The following ADGRG6 variants were observed in gnomAD, a reference collection of about 807,000 sequenced individuals.
The protein encoded by ADGRG6 is G-protein coupled receptor 126.
ADGRG6 carries 84 observed loss-of-function variants against 142.4 expected under a neutral mutation model. That is an observed-to-expected ratio of 0.59 (90% CI 0.49 to 0.71). The LOEUF is 0.71. Among genes scored for constraint, ADGRG6 ranks in the 30% least tolerant of loss-of-function variants. ADGRG6 has a pLI of 0.00. For synonymous variants in ADGRG6, 521 were observed against 520.5 expected (o/e 1.00, Z -0.01); for missense variants, 1,367 against 1,466.6 (o/e 0.93, Z 1.11).
At chr6:142,316,549 A>G (rs1019734680) in intron 2 of ADGRG6, among the ~76,000 whole-genome samples, 6 of 152,116 alleles carry the variant, frequency 3.9e-5, no homozygotes, top group Non-Finnish European at 7.4e-5. Flanking sequence ...AATATTAATC[A>G]CTGTTTTTAT....
intron 1 of ADGRG6, among the ~76,000 whole-genome samples, chr6:142,305,931 C>T (rs57732124): frequency 0.015 from 2,263 of 151,984 alleles, 60 homozygotes; most frequent in African/African-American, 0.052. Flanking sequence ...TGCTTTGGCT[C>T]AGGAACATGA....
At chr6:142,355,133 T>C (rs897498023) in intron 2 of ADGRG6, among the ~76,000 whole-genome samples, 2 of 152,198 alleles carry the variant, frequency 1.3e-5, no homozygotes, top group Admixed American at 1.3e-4. Context: ...CATTAGATAC[T>C]CTTCTCTGGA....
rs1489975023 is a variant in ADGRG6 at position 142,370,190 on chromosome 6, CA to C, written c.470del (p.Lys157ArgfsTer77). 1 of 1,603,248 alleles carries C rather than the reference CA, an allele frequency of 6.2e-7. No homozygotes were observed. Among genetic ancestry groups the C allele is most frequent in the Non-Finnish European group, 8.5e-7 (1 of 1,171,178 alleles). Reference sequence around the variant, plus strand: ...CCTAGTTGCCGTGTCCTTAAGGAATCAAAAGGTCATTTTACCCCAGACATCA... The same window carrying C: ...CCTAGTTGCCGTGTCCTTAAGGAATCAAAGGTCATTTTACCCCAGACATCA... Reference protein sequence around the residue: ...YIRVAVSLRNQKVILPQTSDA... With the variant: ...YIRVAVSLRNXKVILPQTSDA... On this transcript the variant is annotated frameshift_variant, in exon 4 of 25. Transcript: ENST00000367609. LOFTEE classifies it high-confidence loss of function.
Position 142,411,317 on chromosome 6 carries a change from G to A in ADGRG6, c.2447G>A (p.Gly816Glu). 6.3e-7 allele frequency: 1 copy of A among 1,596,664 alleles called. No individual in the cohort carries two copies. Among genetic ancestry groups the A allele is most frequent in the Admixed American group, 1.7e-5 (1 of 59,922 alleles). ...WDLNKNKSFG[G>E]WNTSGCVAHR... ...ATTCCTTCAACAGAAAGTTTTGGAG[G>A]ATGGAACACGTCAGGATGTGTTGCA... is the stretch of plus-strand genomic sequence containing the variant. Residue 816 changes from glycine (G) to glutamate (E), a missense_variant, in exon 18 of 25, where the codon GGA becomes GAA. Gly to Glu is a moderately conservative substitution (Grantham distance 98). Coordinates refer to ENST00000367609, the MANE Select transcript of ADGRG6 (RefSeq NM_198569.3).
chr6:142,358,038 A>C (rs1188186229), intron 2 of ADGRG6, among the ~76,000 whole-genome samples: 2 of 152,212 alleles, frequency 1.3e-5, no homozygotes, highest in Non-Finnish European at 2.9e-5. Flanking sequence ...TCATGTGCTC[A>C]AGAAGTTAGT....
At chr6:142,394,778 G>A (rs189038163) in intron 9 of ADGRG6, among the ~76,000 whole-genome samples, 126 of 151,908 alleles carry the variant, frequency 8.3e-4, no homozygotes, top group African/African-American at 2.9e-3. Flanking sequence ...GTAGAGACTG[G>A]GTCTTGCTAT....
chr6:142,349,634 C>T (rs1780065818), intron 2 of ADGRG6, among the ~76,000 whole-genome samples: 1 of 152,184 alleles, frequency 6.6e-6, no homozygotes, highest in Admixed American at 6.5e-5. Context: ...TCCACAGCAT[C>T]TACTACACCA....
rs1031791847 is a variant in ADGRG6 at position 142,343,073 on chromosome 6, G to T, written c.104-24496G>T. On this transcript the variant is annotated intron_variant, in intron 2 of 24. Coordinates refer to ENST00000367609, the MANE Select transcript of ADGRG6 (RefSeq NM_198569.3). ...TTATAAAACTACTTATATAGGGTAT[G>T]TAAATATAAGCTTATAAAAATGTAT... is the stretch of plus-strand genomic sequence containing the variant. 5.3e-5 allele frequency among the ~76,000 whole-genome samples: 8 copies of T among 151,656 alleles called. No homozygotes were observed. The East Asian group carries it at 1.5e-3, about 29-fold the overall frequency.
In ADGRG6 at chr6:142,370,722, T is replaced by G; in HGVS notation, c.998T>G (p.Val333Gly). 6.2e-7 allele frequency: 1 copy of G among 1,613,728 alleles called. No individual in the cohort carries two copies. The highest frequency in any genetic ancestry group is 8.5e-7 in the Non-Finnish European group (1 of 1,179,740). The change falls in exon 4 of 25, where the codon GTA (valine) becomes GGA (glycine). Residue 333 changes from valine to glycine, a missense_variant. Transcript: ENST00000367609. ...CTCAGCTGTAATGTGAAAGGGAATG[T>G]AGTCGACTGGCAAAATGACTTCTGG... Reference protein sequence around the residue: ...SNLSCNVKGNVVDWQNDFWNI... With the variant: ...SNLSCNVKGNGVDWQNDFWNI...
chr6:142,341,525 T>C (rs1403983697), intron 2 of ADGRG6, among the ~76,000 whole-genome samples: 3 of 119,754 alleles, frequency 2.5e-5, no homozygotes, highest in African/African-American at 9.8e-5. Context: ...CATAATATTA[T>C]ATAGTATATA....
chr6:142,321,238 A>G (rs1161733731), intron 2 of ADGRG6, among the ~76,000 whole-genome samples: 2 of 151,692 alleles, frequency 1.3e-5, no homozygotes, highest in South Asian at 4.1e-4. Flanking sequence ...TAAGATTCAC[A>G]TATTTCCTTT....
At chr6:142,339,325 A>T (rs1162397064) in intron 2 of ADGRG6, among the ~76,000 whole-genome samples, 2 of 152,214 alleles carry the variant, frequency 1.3e-5, no homozygotes, top group African/African-American at 4.8e-5. Context: ...GCTTCCAGAA[A>T]AGCTGGAGAC....
At chr6:142,328,065 A>T (rs1013921308) in intron 2 of ADGRG6, among the ~76,000 whole-genome samples, 1 of 152,190 alleles carries the variant, frequency 6.6e-6, no homozygotes, top group Admixed American at 6.5e-5. Flanking sequence ...AAACAGAAAC[A>T]AAACAGAACG....
At chr6:142,364,819 A>T (rs1780873071) in intron 2 of ADGRG6, among the ~76,000 whole-genome samples, 1 of 152,164 alleles carries the variant, frequency 6.6e-6, no homozygotes, top group African/African-American at 2.4e-5. Context: ...GGCTGCAGCG[A>T]GGGCCACTAC....
At chr6:142,366,981 G>T (rs534937459) in intron 2 of ADGRG6, among the ~76,000 whole-genome samples, 1 of 152,190 alleles carries the variant, frequency 6.6e-6, no homozygotes, top group South Asian at 2.1e-4. Context: ...TGTTTGCAAG[G>T]TGATGCTATT....
intron 2 of ADGRG6, among the ~76,000 whole-genome samples, chr6:142,325,464 G>T (rs1354752364): frequency 6.6e-6 from 1 of 151,982 alleles, no homozygotes; most frequent in Non-Finnish European, 1.5e-5. Flanking sequence ...AGTTGGCCTG[G>T]GATTTTAACT....
rs1781799684 is a variant in ADGRG6, at chr6:142,382,148, A to G, written c.1138+129A>G. On this transcript the variant is annotated intron_variant, in intron 5 of 24. Transcript: ENST00000367609. ...AAGCCAGAAAACAGCAAAACAGAAG[A>G]ATTTCTGCATGTGTTTTAGTTGTGT... 4 of 632,800 alleles carry G rather than the reference A, an allele frequency of 6.3e-6. 1 individual carries two copies. The South Asian group carries it at 7.6e-5, about 12-fold the overall frequency. The allele number at this position is 632,800 out of a possible 1,614,324, so 39.2% of individuals were successfully genotyped here.
At chr6:142,381,225 G>A (rs1157162747) in intron 4 of ADGRG6, among the ~76,000 whole-genome samples, 3 of 151,772 alleles carry the variant, frequency 2.0e-5, no homozygotes, top group East Asian at 3.9e-4. Context: ...TTAAAATATC[G>A]TGCATATTAT....
chr6:142,318,187 T>TTTATATTA lies in ADGRG6; in HGVS notation c.103+8544_103+8545insTATATTAT, dbSNP rs1554230732. Among the ~76,000 whole-genome samples the TTTATATTA allele has an allele frequency of 1.2e-3, 39 of 32,412 alleles. 3 individuals are homozygous for TTTATATTA. The highest frequency in any genetic ancestry group is 7.2e-3 in the East Asian group (6 of 832). The allele number at this position is 32,412 out of a possible 152,430, so 21.3% of individuals were successfully genotyped here. On this transcript the variant is annotated intron_variant, in intron 2 of 24. Coordinates refer to ENST00000367609, the MANE Select transcript of ADGRG6 (RefSeq NM_198569.3). The stretch of plus-strand genomic sequence containing the variant: ...ATATTATATATTTATATATTATATA[T>TTTATATTA]TATATATTTATATTATATATATTTA...
Sources: gnomAD v4.1 joint callset for allele counts (sites outside exome capture counted in the v4.1 genomes callset) on GRCh38, gnomAD v4.1.1 for gene constraint, MANE v1.5 for transcripts, NCBI Gene and HGNC (gene_info 2026-07-23, HGNC 2026-07-21) for gene names.